Variants in PIAS1 observed in about 807,000 individuals in gnomAD.
PIAS1 encodes protein inhibitor of activated STAT 1.
In PIAS1, 6 loss-of-function variants were observed where a neutral mutation model predicts 71.3. That is an observed-to-expected ratio of 0.08 (90% CI 0.05 to 0.17). The LOEUF (loss-of-function observed/expected upper bound fraction) is 0.17. Among genes scored for constraint, PIAS1 ranks in the 10% least tolerant of loss-of-function variants. The pLI, the probability that PIAS1 is intolerant of heterozygous loss-of-function variation, is 1.00. For synonymous variants in PIAS1, 303 were observed against 292.9 expected, an observed-to-expected ratio of 1.03 and a Z score of -0.35; for missense variants, 555 against 793.6, an observed-to-expected ratio of 0.70 and a Z score of 3.61.
chr15:68,103,527 G>T (rs1179728347), intron 2 of PIAS1, among the ~76,000 whole-genome samples: 2 of 151,986 alleles, frequency 1.3e-5, no homozygotes, highest in Non-Finnish European at 2.9e-5. Context: ...TATATCCACA[G>T]AGTTGTGCAG....
chr15:68,092,598 C>T (rs951739702), intron 2 of PIAS1, among the ~76,000 whole-genome samples: 1 of 152,140 alleles, frequency 6.6e-6, no homozygotes, highest in African/African-American at 2.4e-5. Context: ...ACCTAATTCC[C>T]AATGCAATAG....
In PIAS1 at chr15:68,186,263, C is replaced by T. The variant is rs1179478297; in HGVS notation, c.1663-1279C>T. Among the ~76,000 whole-genome samples, 4 of 152,078 alleles carry T rather than the reference C, an allele frequency of 2.6e-5. No individual in the cohort carries two copies. Among genetic ancestry groups the T allele is most frequent in the Admixed American group, 6.6e-5 (1 of 15,266 alleles). ...CTGTGCAGATGGAAGACAGTGACAT[C>T]GATGACCCTGACCTCCCTGTGTAGG... On this transcript the variant is annotated intron_variant, in intron 13 of 13. Transcript: ENST00000249636. This position sits in a 1 kb window ranked among gnomAD's most constrained non-coding sequence, Gnocchi z 4.4.
At chr15:68,117,460 A>G (rs1258444208) in intron 2 of PIAS1, among the ~76,000 whole-genome samples, 1 of 152,180 alleles carries the variant, frequency 6.6e-6, no homozygotes, top group Non-Finnish European at 1.5e-5. Flanking sequence ...GAACACGAGA[A>G]TTTATCTATC....
chr15:68,152,755 C>G (rs2092856683), intron 6 of PIAS1, among the ~76,000 whole-genome samples: 1 of 152,160 alleles, frequency 6.6e-6, no homozygotes, highest in Non-Finnish European at 1.5e-5. Context: ...GATCCCAGCA[C>G]CAAATAGAAA....
At chr15:68,181,472 C>A in intron 12 of PIAS1, 118 bp downstream of exon 12, 1 of 902,200 alleles carries the variant, frequency 1.1e-6, no homozygotes, top group Non-Finnish European at 1.7e-6. Context: ...GGGCCTTGGA[C>A]CCAGGGAACT....
chr15:68,187,584 T>G lies in PIAS1; in HGVS notation c.1705T>G (p.Ser569Ala). ...SLLAAAAAAVSDDQDLLHSSR... is the reference protein window; with the variant it reads ...SLLAAAAAAVADDQDLLHSSR... Reference sequence around the variant, plus strand: ...GCTTGCCGCTGCAGCAGCAGCAGTTTCAGATGATCAAGACCTCCTACACTC... The same window carrying G: ...GCTTGCCGCTGCAGCAGCAGCAGTTGCAGATGATCAAGACCTCCTACACTC... The change falls in exon 14 of 14, where the codon TCA (serine) becomes GCA (alanine). Residue 569 changes from serine (S) to alanine (A), a missense_variant. This residue lies in a region of PIAS1 where 244 missense variants were observed against 307.5 expected (regional missense o/e 0.79). Transcript: ENST00000249636. The surrounding 1 kb of genome is among the most constrained non-coding windows in gnomAD (Gnocchi z 5.3). The G allele has an allele frequency of 6.2e-7, 1 of 1,613,964 alleles. No individual in the cohort carries two copies. Among genetic ancestry groups the G allele is most frequent in the Non-Finnish European group, 8.5e-7 (1 of 1,179,840 alleles).
intron 2 of PIAS1, among the ~76,000 whole-genome samples, chr15:68,139,840 T>C (rs981090247): frequency 8.5e-5 from 13 of 152,174 alleles, no homozygotes; most frequent in Non-Finnish European, 1.5e-4. Flanking sequence ...CCCCCAACAT[T>C]GGAGGTCATT....
chr15:68,075,937 C>T (rs1047369822), intron 1 of PIAS1, among the ~76,000 whole-genome samples: 2 of 152,004 alleles, frequency 1.3e-5, no homozygotes, highest in African/African-American at 2.4e-5. Flanking sequence ...TGCCCAGGAC[C>T]GTGCCTGGTT....
At chr15:68,182,791 C>CT (rs2093063430) in intron 12 of PIAS1, among the ~76,000 whole-genome samples, 1 of 152,176 alleles carries the variant, frequency 6.6e-6, no homozygotes, top group African/African-American at 2.4e-5. Flanking sequence ...CGCACTGTCA[C>CT]TATCAAGAAC....
intron 2 of PIAS1, among the ~76,000 whole-genome samples, chr15:68,092,827 G>A (rs567553749): frequency 7.2e-5 from 11 of 152,270 alleles, no homozygotes; most frequent in African/African-American, 2.6e-4. Flanking sequence ...GGACTTCCCA[G>A]CTTCCAGAAC....
At chr15:68,162,606 C>T (rs1403429984) in intron 7 of PIAS1, among the ~76,000 whole-genome samples, 1 of 152,158 alleles carries the variant, frequency 6.6e-6, no homozygotes, top group African/African-American at 2.4e-5. Context: ...CCAGCGAAGC[C>T]AGTAATGTGA....
At chr15:68,106,372 A>G (rs1185886451) in intron 2 of PIAS1, among the ~76,000 whole-genome samples, 1 of 134,304 alleles carries the variant, frequency 7.4e-6, no homozygotes, top group Non-Finnish European at 1.6e-5. Flanking sequence ...AAAAAAAAAA[A>G]GAATAAACAA....
intron 2 of PIAS1, among the ~76,000 whole-genome samples, chr15:68,116,535 G>C (rs1042764053): frequency 6.6e-6 from 1 of 151,748 alleles, no homozygotes; most frequent in Admixed American, 6.6e-5. Context: ...ACCAGCTTTT[G>C]GTGTCACTGA....
chr15:68,163,264 G>C (rs1256156800), intron 7 of PIAS1, among the ~76,000 whole-genome samples: 1 of 152,172 alleles, frequency 6.6e-6, no homozygotes, highest in Non-Finnish European at 1.5e-5. Flanking sequence ...AATGACAAAG[G>C]CATACTTTTT....
At chr15:68,106,535 A>G (rs561182493) in intron 2 of PIAS1, among the ~76,000 whole-genome samples, 1 of 152,318 alleles carries the variant, frequency 6.6e-6, no homozygotes, top group African/African-American at 2.4e-5. Flanking sequence ...GCCCAGGCCA[A>G]ATTCTAATAG....
At chr15:68,129,811 AC>A (rs2092676993) in intron 2 of PIAS1, among the ~76,000 whole-genome samples, 2 of 148,214 alleles carry the variant, frequency 1.3e-5, no homozygotes, top group African/African-American at 5.0e-5. Flanking sequence ...ACACACACAC[AC>A]ACACACACAC....
chr15:68,061,694 G>A (rs896275526), intron 1 of PIAS1, among the ~76,000 whole-genome samples: 6 of 151,974 alleles, frequency 3.9e-5, no homozygotes, highest in African/African-American at 1.5e-4. Context: ...TTTGGTTGCC[G>A]GGTTAATTTC....
chr15:68,066,790 A>T (rs968681815), intron 1 of PIAS1, among the ~76,000 whole-genome samples: 1 of 150,668 alleles, frequency 6.6e-6, no homozygotes, highest in African/African-American at 2.4e-5. Context: ...AAGGTTAAAG[A>T]CCTTTAAAAA....
chr15:68,182,686 C>T (rs1288514924), intron 12 of PIAS1, among the ~76,000 whole-genome samples: 2 of 152,212 alleles, frequency 1.3e-5, no homozygotes, highest in Non-Finnish European at 2.9e-5. Context: ...TCCCAAAGTG[C>T]TGGGATTACA....
Sources: allele counts gnomAD v4.1 joint callset (sites outside exome capture counted in the v4.1 genomes callset), GRCh38; gene constraint gnomAD v4.1.1; regional missense constraint gnomAD v4.1.1; non-coding constraint Gnocchi (gnomAD v3.1); transcripts MANE v1.5; gene names NCBI Gene and HGNC (gene_info 2026-07-23, HGNC 2026-07-21).